TRPC5: variants seen among roughly 807,000 people sequenced by gnomAD.
TRPC5 encodes the protein short transient receptor potential channel 5.
In TRPC5, 9 loss-of-function variants were observed where a neutral mutation model predicts 56.5. The ratio of observed to expected loss-of-function variants is 0.16; its 90% CI spans 0.10 to 0.28. The LOEUF (loss-of-function observed/expected upper bound fraction) is 0.28. Ranked by LOEUF, TRPC5 falls within the 10% of genes least tolerant of loss-of-function variation. TRPC5 has a pLI of 1.00. For synonymous variants in TRPC5, 282 were observed against 278.5 expected (o/e 1.01, Z -0.13); for missense variants, 469 against 748.9 (o/e 0.63, Z 4.36).
At chrX:111,923,485 G>A (rs906717934) in intron 2 of TRPC5, among the ~76,000 whole-genome samples, 1 of 111,935 alleles carries the variant, frequency 8.9e-6, no homozygotes, top group Admixed American at 9.5e-5. Flanking sequence ...AACCTGGAAA[G>A]GCATTTTTGT....
intron 2 of TRPC5, among the ~76,000 whole-genome samples, chrX:111,946,274 C>T (rs1199891143): frequency 8.9e-6 from 1 of 111,876 alleles, no homozygotes. Flanking sequence ...TGATAAAAAC[C>T]TGCCTGAGCC....
intron 2 of TRPC5, among the ~76,000 whole-genome samples, chrX:111,925,278 G>C (rs1196137331): frequency 8.9e-6 from 1 of 112,337 alleles, no homozygotes; most frequent in African/African-American, 3.2e-5. Flanking sequence ...GGGCCTTTCA[G>C]CCCAGATTTC....
At chrX:111,960,863 G>A (rs190540105) in intron 1 of TRPC5, among the ~76,000 whole-genome samples, 1 of 111,189 alleles carries the variant, frequency 9.0e-6, no homozygotes, top group African/African-American at 3.3e-5. Flanking sequence ...CTGTTGCCCA[G>A]TGCAGTGGTG....
Position 111,875,202 on chromosome X carries a change from G to A in TRPC5, c.901-21096C>T, listed in dbSNP as rs766848554. The stretch of plus-strand genomic sequence containing the variant: ...TGGCACATAGTAAACTCTTAAAAAT[G>A]GTAGTTAAATTACTTGGAGTAGTAA... On this transcript the variant is annotated intron_variant, in intron 3 of 10. Transcript: ENST00000262839. Among the ~76,000 whole-genome samples the A allele has an allele frequency of 5.4e-4, 61 of 112,121 alleles. 1 individual carries two copies. Among genetic ancestry groups the A allele is most frequent in the African/African-American group, 1.8e-3 (55 of 30,868 alleles).
Position 112,000,453 on chromosome X carries a change from G to C in TRPC5, c.-21-48012C>G, listed in dbSNP as rs141147806. ...TAGATGATCTGGACAGGGTTCACTG[G>C]GGAGCACAGCAGGAGAATTTAACCT... is the stretch of plus-strand genomic sequence containing the variant. On this transcript the variant is annotated intron_variant, in intron 1 of 10. Transcript: ENST00000262839. Among the ~76,000 whole-genome samples the C allele has an allele frequency of 6.3e-3, 700 of 111,991 alleles. 5 individuals are homozygous for C. The highest frequency in any genetic ancestry group is 0.022 in the African/African-American group (680 of 30,782).
chrX:111,812,738 T>C (rs1311626497), intron 7 of TRPC5, among the ~76,000 whole-genome samples: 1 of 111,947 alleles, frequency 8.9e-6, no homozygotes, highest in African/African-American at 3.3e-5. Flanking sequence ...AAGCTGCTAA[T>C]TGTTGAGTAA....
At chrX:111,829,664 C>G (rs1040275656) in intron 7 of TRPC5, among the ~76,000 whole-genome samples, 6 of 112,782 alleles carry the variant, frequency 5.3e-5, no homozygotes, top group Admixed American at 3.7e-4. Context: ...TTAGAGGGTA[C>G]AAGCCCCAAC....
At chrX:112,081,520 C>CT (rs1312044405) in intron 1 of TRPC5, among the ~76,000 whole-genome samples, 1 of 111,242 alleles carries the variant, frequency 9.0e-6, no homozygotes, top group Non-Finnish European at 1.9e-5. Context: ...TTAAGGAGGC[C>CT]TGGGAGCAGG....
chrX:112,080,975 T>A, intron 1 of TRPC5, among the ~76,000 whole-genome samples: 1 of 112,284 alleles, frequency 8.9e-6, no homozygotes, highest in Non-Finnish European at 1.9e-5. Context: ...TTAGTCTATG[T>A]CTCTCCTACT....
intron 1 of TRPC5, among the ~76,000 whole-genome samples, chrX:111,997,345 G>T (rs912557533): frequency 3.6e-5 from 4 of 111,992 alleles, no homozygotes; most frequent in African/African-American, 9.7e-5. Flanking sequence ...CTTCTGGCTT[G>T]TAGGGTTTCT....
intron 1 of TRPC5, among the ~76,000 whole-genome samples, chrX:112,046,015 G>A (rs1386429902): frequency 1.8e-5 from 2 of 110,422 alleles, no homozygotes; most frequent in African/African-American, 6.6e-5. Context: ...GGAGTTACTG[G>A]CACCTAGTCA....
intron 7 of TRPC5, among the ~76,000 whole-genome samples, chrX:111,809,315 G>T (rs767556166): frequency 1.8e-5 from 2 of 111,499 alleles, no homozygotes; most frequent in African/African-American, 6.5e-5. Flanking sequence ...AGGCTTACTG[G>T]AACTCAGGTT....
intron 3 of TRPC5, among the ~76,000 whole-genome samples, chrX:111,863,005 G>C (rs953961351): frequency 1.8e-4 from 20 of 111,879 alleles, no homozygotes; most frequent in African/African-American, 6.5e-4. Context: ...TATAGAAACT[G>C]TCAAAAGACA....
intron 1 of TRPC5, among the ~76,000 whole-genome samples, chrX:112,041,467 G>A (rs2147726983): frequency 9.0e-6 from 1 of 111,639 alleles, no homozygotes; most frequent in South Asian, 3.8e-4. Flanking sequence ...TCCTCTTTGT[G>A]AATGAAATAT....
At chrX:111,946,528 G>A (rs1323048368) in intron 2 of TRPC5, among the ~76,000 whole-genome samples, 1 of 111,945 alleles carries the variant, frequency 8.9e-6, no homozygotes, top group Non-Finnish European at 1.9e-5. Flanking sequence ...GACAGAGCTG[G>A]CATTACTAGC....
At chrX:112,002,623 G>A (rs902493099) in intron 1 of TRPC5, among the ~76,000 whole-genome samples, 1 of 111,927 alleles carries the variant, frequency 8.9e-6, no homozygotes, top group African/African-American at 3.2e-5. Context: ...ATTCACTAGA[G>A]AGTTGAGGTA....
intron 3 of TRPC5, among the ~76,000 whole-genome samples, chrX:111,870,361 C>T (rs1421801201): frequency 8.9e-6 from 1 of 112,406 alleles, no homozygotes; most frequent in Non-Finnish European, 1.9e-5. Flanking sequence ...AATAAAAATA[C>T]AGGATGCCCA....
chrX:111,840,164 C>T (rs1332658109), intron 6 of TRPC5, among the ~76,000 whole-genome samples: 2 of 111,938 alleles, frequency 1.8e-5, no homozygotes, highest in African/African-American at 3.2e-5. Flanking sequence ...AGCGAGACTC[C>T]GTCTCAAACA....
At chrX:111,971,630 T>C (rs904012491) in intron 1 of TRPC5, among the ~76,000 whole-genome samples, 5 of 111,876 alleles carry the variant, frequency 4.5e-5, no homozygotes, top group Non-Finnish European at 1.9e-5. Context: ...CCCAAGATCT[T>C]TCCTCTAATA....
Sources: allele counts gnomAD v4.1 joint callset (sites outside exome capture counted in the v4.1 genomes callset), GRCh38; gene constraint gnomAD v4.1.1; transcripts MANE v1.5; gene names NCBI Gene and HGNC (gene_info 2026-07-23, HGNC 2026-07-21).